The following LEPR variants were observed in gnomAD, a reference collection of about 807,000 sequenced individuals.
LEPR encodes OB receptor.
Under a neutral mutation model 114.7 loss-of-function variants are expected in LEPR, and 56 were observed. The ratio of observed to expected loss-of-function variants is 0.49; its 90% CI spans 0.39 to 0.61. LEPR has a LOEUF of 0.61. Among genes scored for constraint, LEPR ranks in the 20% least tolerant of loss-of-function variants. The probability of loss-of-function intolerance (pLI) is 0.00; values close to 1 mark genes in which losing one functional copy is unlikely to be tolerated. For synonymous variants in LEPR, 443 were observed against 461.4 expected (o/e 0.96, Z 0.51); for missense variants, 1,202 against 1,352.9 (o/e 0.89, Z 1.75).
Position 65,498,503 on chromosome 1 carries a change from A to G in LEPR, c.-20-67043A>G, listed in dbSNP as rs147889260. Among the ~76,000 whole-genome samples the G allele has an allele frequency of 5.0e-3, 764 of 152,324 alleles. 6 individuals carry two copies. Among genetic ancestry groups the G allele is most frequent in the African/African-American group, 0.018 (732 of 41,580 alleles). On this transcript the variant is annotated intron_variant, in intron 2 of 19. Coordinates refer to ENST00000349533, the MANE Select transcript of LEPR (RefSeq NM_002303.6). ...GTAGATGGATAAACATAATGACCCAAGAATGACGATGGCGAAATATGACAT... is the reference window on the plus strand; with the variant it reads ...GTAGATGGATAAACATAATGACCCAGGAATGACGATGGCGAAATATGACAT...
intron 2 of LEPR, among the ~76,000 whole-genome samples, chr1:65,458,589 T>G (rs1646907130): frequency 6.6e-6 from 1 of 152,176 alleles, no homozygotes; most frequent in Non-Finnish European, 1.5e-5. Flanking sequence ...GTTTTTGTTT[T>G]TTTGCCTTCC....
intron 2 of LEPR, among the ~76,000 whole-genome samples, chr1:65,511,485 A>T (rs1325010544): frequency 6.6e-6 from 1 of 151,942 alleles, no homozygotes; most frequent in Non-Finnish European, 1.5e-5. Context: ...TATTTTTCCC[A>T]AAAGATGGCA....
At chr1:65,518,460 C>T (rs1649397096) in intron 2 of LEPR, among the ~76,000 whole-genome samples, 1 of 152,074 alleles carries the variant, frequency 6.6e-6, no homozygotes, top group African/African-American at 2.4e-5. Flanking sequence ...GAGGTAATAG[C>T]AAAAGTGTTA....
intron 2 of LEPR, among the ~76,000 whole-genome samples, chr1:65,522,870 C>G (rs1463187963): frequency 6.7e-6 from 1 of 150,216 alleles, no homozygotes; most frequent in East Asian, 2.0e-4. Flanking sequence ...AAAAAAAATA[C>G]TGAATGAGTC....
chr1:65,459,678 T>C (rs1646920553), intron 2 of LEPR, among the ~76,000 whole-genome samples: 2 of 152,224 alleles, frequency 1.3e-5, no homozygotes, highest in African/African-American at 4.8e-5. Flanking sequence ...ATAACTCAAA[T>C]GTAATAAATT....
chr1:65,617,889 A>G, intron 15 of LEPR, 75 bp from the exon 16 acceptor site: 1 of 1,422,050 alleles, frequency 7.0e-7, no homozygotes, highest in Non-Finnish European at 9.5e-7. Flanking sequence ...TTAGTAGGTT[A>G]TAAGTTCCTC....
intron 2 of LEPR, chr1:65,525,928 C>A: frequency 1.1e-6 from 1 of 878,040 alleles, no homozygotes; most frequent in Non-Finnish European, 1.4e-6. Context: ...CCCCGCGGGC[C>A]GCTTAGGGAC....
At chr1:65,457,802 G>T (rs1646896076) in intron 2 of LEPR, among the ~76,000 whole-genome samples, 1 of 152,012 alleles carries the variant, frequency 6.6e-6, no homozygotes, top group African/African-American at 2.4e-5. Flanking sequence ...TAAATTTCGA[G>T]ACAGGCTACA....
chr1:65,508,468 G>A (rs1648869479), intron 2 of LEPR, among the ~76,000 whole-genome samples: 1 of 152,034 alleles, frequency 6.6e-6, no homozygotes, highest in Non-Finnish European at 1.5e-5. Flanking sequence ...TGTGTGCTTG[G>A]TATCTTTGTC....
At chr1:65,603,122 G>T (rs921368730) in intron 10 of LEPR, among the ~76,000 whole-genome samples, 1 of 152,042 alleles carries the variant, frequency 6.6e-6, no homozygotes, top group Non-Finnish European at 1.5e-5. Flanking sequence ...GAGAATAATA[G>T]GACTTACAGT....
At chr1:65,475,783 A>G (rs1401013687) in intron 2 of LEPR, among the ~76,000 whole-genome samples, 1 of 152,140 alleles carries the variant, frequency 6.6e-6, no homozygotes, top group Admixed American at 6.6e-5. Flanking sequence ...TGGGAGGCAG[A>G]GGCAGGAGGA....
chr1:65,481,134 T>G (rs1359914279), intron 2 of LEPR, among the ~76,000 whole-genome samples: 5 of 152,162 alleles, frequency 3.3e-5, no homozygotes, highest in African/African-American at 1.2e-4. Context: ...GTCTTTCTTC[T>G]GTGTGCAGGC....
Position 65,610,032 on chromosome 1 carries a change from G to GT in LEPR, c.1839dup (p.Lys614Ter). ...GCAGTCTATGCTGTTCAGGTGCGCTGTAAGAGGCTAGATGGACTGGGATAT... is the reference window on the plus strand; with the variant it reads ...GCAGTCTATGCTGTTCAGGTGCGCTGTTAAGAGGCTAGATGGACTGGGATAT... On this transcript the variant is annotated frameshift_variant, in exon 13 of 20. Coordinates refer to ENST00000349533, the MANE Select transcript of LEPR (RefSeq NM_002303.6). LOFTEE classifies it high-confidence loss of function. 6.2e-7 allele frequency: 1 copy of GT among 1,614,228 alleles called. No homozygotes were observed. Among genetic ancestry groups the GT allele is most frequent in the Non-Finnish European group, 8.5e-7 (1 of 1,180,020 alleles).
In LEPR at chr1:65,598,676, C is replaced by T. The variant is rs760392591; in HGVS notation, c.866C>T (p.Ser289Leu). The change falls in exon 8 of 20, where the codon TCA becomes TTA. Residue 289 changes from serine (S) to leucine (L), a missense_variant. By Grantham distance (145) the Ser-to-Leu change is moderately radical. Transcript: ENST00000349533. ...TVIREADKIV[S>L]ATSLLVDSIL... is the part of the protein sequence containing the mutation. The stretch of plus-strand genomic sequence containing the variant: ...ATTTAACAGGCTGACAAGATTGTCT[C>T]AGCTACATCCCTGCTAGTAGACAGT... 8.7e-6 allele frequency: 14 copies of T among 1,613,142 alleles called. No homozygotes were observed. The African/African-American group carries it at 1.6e-4, about 18-fold the overall frequency.
At chr1:65,492,719 T>C (rs1246111714) in intron 2 of LEPR, among the ~76,000 whole-genome samples, 2 of 152,070 alleles carry the variant, frequency 1.3e-5, no homozygotes, top group Non-Finnish European at 2.9e-5. Context: ...TACGTTACCA[T>C]GATTCCTGGC....
At chr1:65,531,099 G>A (rs903170553) in intron 2 of LEPR, among the ~76,000 whole-genome samples, 1 of 152,050 alleles carries the variant, frequency 6.6e-6, no homozygotes, top group African/African-American at 2.4e-5. Context: ...AACCTCCAAG[G>A]CCCTACCTGA....
chr1:65,467,990 C>G (rs142579433), intron 2 of LEPR, among the ~76,000 whole-genome samples: 2,638 of 152,332 alleles, frequency 0.017, 56 homozygotes, highest in South Asian at 0.09. Context: ...ACCCCTTGCG[C>G]TTCCCGGGTG....
chr1:65,465,306 T>C (rs1646996443), intron 2 of LEPR, among the ~76,000 whole-genome samples: 1 of 152,320 alleles, frequency 6.6e-6, no homozygotes, highest in African/African-American at 2.4e-5. Context: ...CAGGAGCAAG[T>C]TGTTCAGTTT....
intron 19 of LEPR, among the ~76,000 whole-genome samples, chr1:65,627,425 A>G (rs1658282786): frequency 6.6e-6 from 1 of 152,194 alleles, no homozygotes; most frequent in African/African-American, 2.4e-5. Flanking sequence ...AAACCACAAG[A>G]TGCCCAGTAG....
Sources: gnomAD v4.1 joint callset for allele counts (sites outside exome capture counted in the v4.1 genomes callset) on GRCh38, gnomAD v4.1.1 for gene constraint, MANE v1.5 for transcripts, NCBI Gene and HGNC (gene_info 2026-07-23, HGNC 2026-07-21) for gene names.